The following NEDD4L variants were observed in gnomAD, a reference collection of about 807,000 sequenced individuals.
NEDD4L encodes the protein E3 ubiquitin-protein ligase NEDD4-like.
Under a neutral mutation model 148.9 loss-of-function variants are expected in NEDD4L, and 54 were observed. The observed-to-expected ratio is 0.36, with a 90% CI of 0.29 to 0.45. NEDD4L has a LOEUF of 0.45. Ranked by LOEUF, NEDD4L falls within the 20% of genes least tolerant of loss-of-function variation. The pLI is 1.00. For missense variants in NEDD4L, 856 were observed against 1,233.8 expected (o/e 0.69, Z 4.59); for synonymous variants, 433 against 440.7 (o/e 0.98, Z 0.22).
At chr18:58,186,544 A>G (rs2039504061) in intron 2 of NEDD4L, among the ~76,000 whole-genome samples, 1 of 152,148 alleles carries the variant, frequency 6.6e-6, no homozygotes, top group Admixed American at 6.5e-5. Flanking sequence ...CATTTTATAC[A>G]TGAGGCAGCA....
chr18:58,367,683 C>T, intron 21 of NEDD4L, 63 bp from the exon 22 acceptor site: 1 of 1,593,788 alleles, frequency 6.3e-7, no homozygotes, highest in Non-Finnish European at 8.6e-7. Flanking sequence ...AGGTGGCAAA[C>T]AAATATGCAA....
intron 2 of NEDD4L, among the ~76,000 whole-genome samples, chr18:58,197,175 G>A (rs1397195909): frequency 1.3e-5 from 2 of 152,196 alleles, no homozygotes; most frequent in Admixed American, 6.5e-5. Context: ...TTTTGGGTGG[G>A]ACTTGCCATG....
At chr18:58,200,241 C>T (rs996372568) in intron 2 of NEDD4L, among the ~76,000 whole-genome samples, 1 of 152,212 alleles carries the variant, frequency 6.6e-6, no homozygotes, top group African/African-American at 2.4e-5. Context: ...CCATTGCATT[C>T]ACTAACTCAT....
chr18:58,113,543 G>C (rs1303495585), intron 1 of NEDD4L, among the ~76,000 whole-genome samples: 1 of 152,194 alleles, frequency 6.6e-6, no homozygotes, highest in Non-Finnish European at 1.5e-5. Context: ...GAAGGACACT[G>C]TGGTGGCTGG....
intron 1 of NEDD4L, among the ~76,000 whole-genome samples, chr18:58,147,437 A>T (rs2034210286): frequency 6.6e-6 from 1 of 152,124 alleles, no homozygotes. Flanking sequence ...TTGAGAAGCT[A>T]TGTTATTGGA....
chr18:58,208,894 C>T (rs201123810), intron 2 of NEDD4L, among the ~76,000 whole-genome samples: 3 of 152,022 alleles, frequency 2.0e-5, no homozygotes, highest in Non-Finnish European at 4.4e-5. Context: ...TTTGCTGATT[C>T]GAGATCCTGG....
chr18:58,081,212 C>CTTTTTT (rs34446805), intron 1 of NEDD4L, among the ~76,000 whole-genome samples: 25 of 120,826 alleles, frequency 2.1e-4, no homozygotes, highest in African/African-American at 8.1e-4. Flanking sequence ...GAACACCACC[C>CTTTTTT]TTTTTTTTTT....
At chr18:58,295,439 G>T (rs184790810) in intron 5 of NEDD4L, among the ~76,000 whole-genome samples, 1 of 152,226 alleles carries the variant, frequency 6.6e-6, no homozygotes, top group Non-Finnish European at 1.5e-5. Flanking sequence ...CCTCTTCATG[G>T]CCTGATAGCT....
intron 2 of NEDD4L, among the ~76,000 whole-genome samples, chr18:58,237,475 A>G (rs1052613776): frequency 2.0e-5 from 3 of 152,192 alleles, no homozygotes; most frequent in African/African-American, 7.2e-5. Flanking sequence ...GGCAATAAAG[A>G]CAAGTCACAG....
rs762138594 is a variant in NEDD4L at position 58,397,599 on chromosome 18, C to T, written c.*1330C>T. The T allele has an allele frequency of 3.9e-5, 6 of 152,278 alleles. No homozygotes were observed. Among genetic ancestry groups the T allele is most frequent in the Non-Finnish European group, 5.9e-5 (4 of 68,032 alleles). The allele number at this position is 152,278 out of a possible 1,614,324, so 9.4% of individuals were successfully genotyped here. A position where few individuals can be genotyped will look rare whatever the true frequency, so the allele number is the denominator to read the frequency against. ...AATGACCTGTTGCATGCTTCAATAC[C>T]GTGTACTGCCTGAGTTGTGCCTCTT... is the stretch of plus-strand genomic sequence containing the variant. On this transcript the variant is annotated 3_prime_UTR_variant, in exon 31 of 31. Coordinates refer to ENST00000400345, the MANE Select transcript of NEDD4L (RefSeq NM_001144967.3).
rs890550457 is a variant in NEDD4L, at chr18:58,194,704, TA to T, written c.122+28853del. ...TCCCTAATCTGTTGGAGACATTAGT[TA>T]AAAAAAAAATGAGAGTAAAGAGGAA... On this transcript the variant is annotated intron_variant, in intron 2 of 30. Transcript: ENST00000400345. 5.5e-3 allele frequency among the ~76,000 whole-genome samples: 828 copies of T among 149,456 alleles called. 7 individuals are homozygous for T. Among genetic ancestry groups the T allele is most frequent in the African/African-American group, 0.018 (747 of 40,888 alleles).
At chr18:58,102,230 A>C (rs1269925123) in intron 1 of NEDD4L, among the ~76,000 whole-genome samples, 1 of 152,102 alleles carries the variant, frequency 6.6e-6, no homozygotes, top group East Asian at 1.9e-4. Flanking sequence ...GTAATGGTAC[A>C]GAGGGGTGGG....
intron 1 of NEDD4L, among the ~76,000 whole-genome samples, chr18:58,108,741 G>T (rs2085235201): frequency 6.6e-6 from 1 of 152,194 alleles, no homozygotes; most frequent in Non-Finnish European, 1.5e-5. Flanking sequence ...ATTTTAATTA[G>T]TAAATTTTGG....
At chr18:58,116,413 G>T (rs2085842850) in intron 1 of NEDD4L, among the ~76,000 whole-genome samples, 1 of 152,134 alleles carries the variant, frequency 6.6e-6, no homozygotes, top group African/African-American at 2.4e-5. Context: ...GTTCTTCCAG[G>T]CGCAGATGTC....
intron 2 of NEDD4L, among the ~76,000 whole-genome samples, chr18:58,233,390 C>T (rs1334383538): frequency 6.6e-6 from 1 of 152,172 alleles, no homozygotes; most frequent in Non-Finnish European, 1.5e-5. Context: ...GCAAAAGGCA[C>T]ATCTTACATG....
At chr18:58,250,505 G>A (rs182898534) in intron 4 of NEDD4L, among the ~76,000 whole-genome samples, 1 of 152,288 alleles carries the variant, frequency 6.6e-6, no homozygotes, top group Admixed American at 6.5e-5. Flanking sequence ...CCTGTAGCCT[G>A]TGGTTGCATT....
At chr18:58,224,008 G>C (rs1170504314) in intron 2 of NEDD4L, among the ~76,000 whole-genome samples, 1 of 152,208 alleles carries the variant, frequency 6.6e-6, no homozygotes, top group Non-Finnish European at 1.5e-5. Flanking sequence ...CCTCCCACAG[G>C]GGCCACAGGG....
chr18:58,382,570 C>T (rs1010081528), intron 24 of NEDD4L, among the ~76,000 whole-genome samples: 10 of 152,136 alleles, frequency 6.6e-5, no homozygotes, highest in African/African-American at 1.4e-4. Flanking sequence ...CCTTCCCTCA[C>T]GCTGGTTACT....
Position 58,044,478 on chromosome 18 carries a change from G to C in NEDD4L, c.-183G>C. ...CAGCCTTCCGGGAGGAAGCGGTGCC[G>C]GCAGCGTCCAGGGCGCGCTCTCGGG... is the stretch of plus-strand genomic sequence containing the variant. On this transcript the variant is annotated 5_prime_UTR_variant, in exon 1 of 31. Coordinates refer to ENST00000400345, the MANE Select transcript of NEDD4L (RefSeq NM_001144967.3). 1.4e-6 allele frequency: 1 copy of C among 711,676 alleles called. No individual in the cohort carries two copies. The highest frequency in any genetic ancestry group is 1.9e-6 in the Non-Finnish European group (1 of 515,618). The allele number at this position is 711,676 out of a possible 1,614,324, so 44.1% of individuals were successfully genotyped here.
Sources: allele counts gnomAD v4.1 joint callset (sites outside exome capture counted in the v4.1 genomes callset), GRCh38; gene constraint gnomAD v4.1.1; transcripts MANE v1.5; gene names NCBI Gene and HGNC (gene_info 2026-07-23, HGNC 2026-07-21).